The following HTR2C variants were observed in gnomAD, a reference collection of about 807,000 sequenced individuals.
HTR2C encodes the protein 5-hydroxytryptamine receptor 2C, also known as 5-hydroxytryptamine (serotonin) receptor 2C, G protein-coupled.
A neutral mutation model predicts 21.0 loss-of-function variants in HTR2C; 5 were observed. The observed-to-expected ratio is 0.24, with a 90% CI of 0.12 to 0.50. The LOEUF (loss-of-function observed/expected upper bound fraction) is 0.50, where lower values mean the gene tolerates loss of function less well. Among genes scored for constraint, HTR2C ranks in the 20% least tolerant of loss-of-function variants. HTR2C has a pLI of 0.98. For missense variants in HTR2C, 271 were observed against 371.2 expected, an observed-to-expected ratio of 0.73 and a Z score of 2.22; for synonymous variants, 150 against 145.3, an observed-to-expected ratio of 1.03 and a Z score of -0.23.
chrX:114,894,551 A>G (rs968750645), intron 5 of HTR2C, among the ~76,000 whole-genome samples: 11 of 110,991 alleles, frequency 9.9e-5, no homozygotes, highest in South Asian at 3.8e-4. Flanking sequence ...AAAATGTCCT[A>G]TGTTTCAACT....
intron 4 of HTR2C, among the ~76,000 whole-genome samples, chrX:114,742,025 G>T (rs2069654482): frequency 9.0e-6 from 1 of 111,153 alleles, no homozygotes; most frequent in African/African-American, 3.3e-5. Flanking sequence ...AGTCTCTATG[G>T]TCTCCCTAAT....
intron 2 of HTR2C, among the ~76,000 whole-genome samples, chrX:114,645,354 G>A (rs1556407328): frequency 2.7e-5 from 3 of 111,088 alleles, no homozygotes; most frequent in Non-Finnish European, 5.7e-5. Context: ...GATTTATGCA[G>A]GAGGAATTAA....
Position 114,775,602 on chromosome X carries a change from AG to A in HTR2C, c.349+43996del, listed in dbSNP as rs782804226. On this transcript the variant is annotated intron_variant, in intron 4 of 5. Transcript: ENST00000276198. Reference sequence around the variant, plus strand: ...CCAAAGGAAAGAGGATTGACATCCAAGAGCAGCAAATCTTGAACGTTTTCAG... The same window carrying A: ...CCAAAGGAAAGAGGATTGACATCCAAAGCAGCAAATCTTGAACGTTTTCAG... 1.4e-3 allele frequency: 701 copies of A among 493,293 alleles called. 3 individuals carry two copies. The African/African-American group carries it at 0.015, about 10-fold the overall frequency. The allele number at this position is 493,293 out of a possible 1,213,427, so 40.7% of individuals were successfully genotyped here. A position where few individuals can be genotyped will look rare whatever the true frequency, so the allele number is the denominator to read the frequency against.
At chrX:114,707,992 T>C (rs1932825169) in intron 2 of HTR2C, among the ~76,000 whole-genome samples, 2 of 111,086 alleles carry the variant, frequency 1.8e-5, no homozygotes, top group South Asian at 7.6e-4. Flanking sequence ...TCCCACTCTT[T>C]AATGAAGCCA....
chrX:114,659,543 T>G (rs957410973), intron 2 of HTR2C, among the ~76,000 whole-genome samples: 12 of 110,983 alleles, frequency 1.1e-4, no homozygotes, highest in Non-Finnish European at 1.5e-4. Context: ...CAGTACTCAT[T>G]AAAAAATCAA....
chrX:114,842,961 C>T (rs1254802985), intron 4 of HTR2C, among the ~76,000 whole-genome samples: 2 of 111,654 alleles, frequency 1.8e-5, no homozygotes, highest in Non-Finnish European at 3.8e-5. Context: ...CAAACAAAAT[C>T]AGTCCAAAAC....
chrX:114,849,570 A>G (rs782633020), intron 5 of HTR2C, among the ~76,000 whole-genome samples: 1 of 112,193 alleles, frequency 8.9e-6, no homozygotes, highest in South Asian at 3.7e-4. Context: ...ATGGAGGACT[A>G]GAGTAGGAAT....
At chrX:114,672,920 T>G (rs782380297) in intron 2 of HTR2C, among the ~76,000 whole-genome samples, 2 of 112,358 alleles carry the variant, frequency 1.8e-5, no homozygotes, top group East Asian at 5.6e-4. Flanking sequence ...TTAATTTAGC[T>G]ATAACTAAGA....
chrX:114,605,898 G>C (rs1010179868), intron 1 of HTR2C, among the ~76,000 whole-genome samples: 1 of 108,227 alleles, frequency 9.2e-6, no homozygotes, highest in Non-Finnish European at 1.9e-5. Context: ...TAAGAGGTTG[G>C]GGGGCAGAAA....
At chrX:114,830,283 G>A (rs912353312) in intron 4 of HTR2C, among the ~76,000 whole-genome samples, 17 of 111,571 alleles carry the variant, frequency 1.5e-4, no homozygotes, top group African/African-American at 3.3e-5. Flanking sequence ...TGGGAAGACA[G>A]TATTTTTCTT....
At chrX:114,867,543 GC>G (rs2071055171) in intron 5 of HTR2C, among the ~76,000 whole-genome samples, 1 of 111,201 alleles carries the variant, frequency 9.0e-6, no homozygotes, top group South Asian at 3.8e-4. Flanking sequence ...TGCTTTGGTT[GC>G]TTGTGCTTGT....
At chrX:114,631,529 T>A (rs1929627475) in intron 2 of HTR2C, among the ~76,000 whole-genome samples, 1 of 111,928 alleles carries the variant, frequency 8.9e-6, no homozygotes, top group African/African-American at 3.2e-5. Context: ...TAAATCCATT[T>A]AAATTTCTGG....
chrX:114,739,379 A>G (rs1490576582), intron 4 of HTR2C, among the ~76,000 whole-genome samples: 1 of 111,944 alleles, frequency 8.9e-6, no homozygotes, highest in African/African-American at 3.2e-5. Context: ...CACACTTCAT[A>G]AGAAAATCAG....
At chrX:114,707,830 TAC>T (rs1215606973) in intron 2 of HTR2C, among the ~76,000 whole-genome samples, 2 of 110,373 alleles carry the variant, frequency 1.8e-5, no homozygotes, top group African/African-American at 6.6e-5. Flanking sequence ...CCAGTGCAAA[TAC>T]AGTCTATTCA....
At chrX:114,718,827 C>T (rs1332862141) in intron 2 of HTR2C, among the ~76,000 whole-genome samples, 1 of 106,252 alleles carries the variant, frequency 9.4e-6, no homozygotes, top group Non-Finnish European at 1.9e-5. Context: ...TTTCTGGACA[C>T]GAAATTATAA....
chrX:114,864,900 CTT>C (rs71947180), intron 5 of HTR2C, among the ~76,000 whole-genome samples: 154 of 84,601 alleles, frequency 1.8e-3, no homozygotes, highest in African/African-American at 2.2e-3. Context: ...TTTTCTTTTT[CTT>C]TTTTTTTTTT....
intron 1 of HTR2C, among the ~76,000 whole-genome samples, chrX:114,611,407 C>T (rs1235081919): frequency 8.9e-6 from 1 of 112,096 alleles, no homozygotes; most frequent in Non-Finnish European, 1.9e-5. Flanking sequence ...ATAACTTGGC[C>T]ACCAGCTTCT....
intron 4 of HTR2C, among the ~76,000 whole-genome samples, chrX:114,796,440 G>C (rs928392651): frequency 2.2e-4 from 24 of 111,425 alleles, no homozygotes; most frequent in African/African-American, 7.2e-4. Flanking sequence ...AGAGGTCGCT[G>C]AAAGGATCTG....
At chrX:114,622,336 A>G (rs1556401941) in intron 2 of HTR2C, among the ~76,000 whole-genome samples, 1 of 111,409 alleles carries the variant, frequency 9.0e-6, no homozygotes, top group African/African-American at 3.3e-5. Context: ...AGATGTTTCT[A>G]TTAGTTCTCT....
Sources: allele counts gnomAD v4.1 joint callset (sites outside exome capture counted in the v4.1 genomes callset), GRCh38; gene constraint gnomAD v4.1.1; transcripts MANE v1.5; gene names NCBI Gene and HGNC (gene_info 2026-07-23, HGNC 2026-07-21).